Variants in LAMB1 observed in about 807,000 individuals in gnomAD.
The protein encoded by LAMB1 is laminin subunit beta-1.
Under a neutral mutation model 222.3 loss-of-function variants are expected in LAMB1, and 121 were observed. The ratio of observed to expected loss-of-function variants is 0.54; its 90% confidence interval spans 0.47 to 0.63. LAMB1 has a LOEUF of 0.63. LAMB1 is among the 30% of genes least tolerant of loss of function. LAMB1 has a pLI of 0.00. For missense variants in LAMB1, 2,172 were observed against 2,240.8 expected, an observed-to-expected ratio of 0.97 and a Z score of 0.62; for synonymous variants, 794 against 807.2, an observed-to-expected ratio of 0.98 and a Z score of 0.28.
chr7:107,996,024 A>G (rs866709340), intron 4 of LAMB1, among the ~76,000 whole-genome samples: 5 of 152,192 alleles, frequency 3.3e-5, no homozygotes, highest in African/African-American at 1.2e-4. Context: ...TTATATTCAC[A>G]CTAACTAATC....
chr7:107,989,440 T>C (rs1380635519), intron 5 of LAMB1, among the ~76,000 whole-genome samples: 3 of 152,222 alleles, frequency 2.0e-5, no homozygotes, highest in South Asian at 2.1e-4. Context: ...AGGCTTCCTT[T>C]AGCCCTCCTT....
intron 13 of LAMB1, 56 bp from the exon 14 acceptor site, chr7:107,964,743 C>T: frequency 1.9e-6 from 3 of 1,598,514 alleles, no homozygotes; most frequent in South Asian, 2.2e-5. Flanking sequence ...AGTCAACCCG[C>T]CAGAAGCAGC....
At chr7:107,981,822 G>A (rs192612615) in intron 7 of LAMB1, among the ~76,000 whole-genome samples, 72 of 152,234 alleles carry the variant, frequency 4.7e-4, no homozygotes, top group Non-Finnish European at 8.7e-4. Context: ...TTTTGGAAGG[G>A]AAAATTTGAA....
intron 13 of LAMB1, among the ~76,000 whole-genome samples, chr7:107,965,625 C>T (rs894201206): frequency 6.6e-6 from 1 of 152,084 alleles, no homozygotes; most frequent in Non-Finnish European, 1.5e-5. Context: ...GTATACAATA[C>T]AAAACTCAAA....
Position 107,964,967 on chromosome 7 carries a change from C to T in LAMB1, c.1563-280G>A, listed in dbSNP as rs7789846. Among the ~76,000 whole-genome samples, 136,085 of 152,198 alleles carry T rather than the reference C, an allele frequency of 0.89. 61,123 individuals carry two copies. Among genetic ancestry groups the T allele is most frequent in the Non-Finnish European group, 0.93 (63,423 of 68,022 alleles). Reference sequence around the variant, plus strand: ...CATGAAGGTTTTCCACATCCCAAACCTTCTTGCTTTGGCATGTTACATCTT... The same window carrying T: ...CATGAAGGTTTTCCACATCCCAAACTTTCTTGCTTTGGCATGTTACATCTT... On this transcript the variant is annotated intron_variant, in intron 13 of 33. Coordinates refer to ENST00000222399, the MANE Select transcript of LAMB1 (RefSeq NM_002291.3).
At chr7:107,949,097 T>G (rs1023231338) in intron 24 of LAMB1, among the ~76,000 whole-genome samples, 4 of 152,230 alleles carry the variant, frequency 2.6e-5, no homozygotes, top group Admixed American at 2.0e-4. Context: ...AACAAAGAAG[T>G]TGGCGAACAA....
Position 107,931,403 on chromosome 7 carries a change from T to C in LAMB1, c.4490A>G (p.Asn1497Ser), listed in dbSNP as rs756450160. 32 of 1,613,834 alleles carry C rather than the reference T, an allele frequency of 2.0e-5. No individual in the cohort carries two copies. Among genetic ancestry groups the C allele is most frequent in the Non-Finnish European group, 2.7e-5 (32 of 1,179,894 alleles). Residue 1497 changes from asparagine (N) to serine (S), a missense_variant, in exon 29 of 34, where the codon AAT (asparagine) becomes AGT (serine). Asn to Ser is a conservative substitution (Grantham distance 46). Transcript: ENST00000222399. ...CTTGATTAGATTTCTCAGCTCCTCA[T>C]TGCTCTTGTCCATTTTTTCTTTGGT... ...NATKEKMDKS[N>S]EELRNLIKQI... is the part of the protein sequence containing the mutation.
chr7:108,002,081 G>C (rs2034399174), intron 2 of LAMB1: 1 of 1,476,024 alleles, frequency 6.8e-7, no homozygotes, highest in Admixed American at 2.3e-5. Flanking sequence ...ACTTCGACGT[G>C]TCCGGAGCCC....
intron 13 of LAMB1, among the ~76,000 whole-genome samples, chr7:107,971,868 A>G (rs141444925): frequency 5.3e-5 from 8 of 152,346 alleles, no homozygotes; most frequent in African/African-American, 1.9e-4. Flanking sequence ...AGTTTATGAC[A>G]TAATTTGGGG....
At chr7:107,927,868 T>G (rs2116315105) in intron 31 of LAMB1, among the ~76,000 whole-genome samples, 1 of 152,306 alleles carries the variant, frequency 6.6e-6, no homozygotes, top group Middle Eastern at 3.4e-3. Flanking sequence ...GAACACAGGT[T>G]TTTACCAACT....
intron 5 of LAMB1, among the ~76,000 whole-genome samples, chr7:107,988,905 G>C (rs2034131346): frequency 1.3e-5 from 2 of 152,174 alleles, no homozygotes; most frequent in South Asian, 4.1e-4. Context: ...CATTTCTGTT[G>C]TTTAAGCCAC....
At chr7:108,003,080 G>T (rs940402231) in intron 1 of LAMB1, 31 bp downstream of exon 1, 7 of 1,234,902 alleles carry the variant, frequency 5.7e-6, no homozygotes, top group Admixed American at 5.8e-5. Flanking sequence ...GGAAAGTGGG[G>T]AAAATCGTGC....
chr7:107,928,299 G>A (rs375068210), intron 31 of LAMB1, among the ~76,000 whole-genome samples: 1 of 152,166 alleles, frequency 6.6e-6, no homozygotes, highest in Non-Finnish European at 1.5e-5. Flanking sequence ...GGTTTCTCTA[G>A]AATTGGGTAT....
At chr7:108,003,060 G>T in intron 1 of LAMB1, 51 bp downstream of exon 1, 2 of 1,395,836 alleles carry the variant, frequency 1.4e-6, no homozygotes. Context: ...ACGGAAGCGG[G>T]GGGTGGGCTG....
At chr7:107,931,800 A>G in intron 28 of LAMB1, 1 of 473,514 alleles carries the variant, frequency 2.1e-6, no homozygotes, top group South Asian at 2.7e-5. Context: ...CCACATAAAT[A>G]CTTAAAAAGT....
Position 107,980,716 on chromosome 7 carries a change from A to C in LAMB1, c.772T>G (p.Tyr258Asp). 3 of 1,613,486 alleles carry C rather than the reference A, an allele frequency of 1.9e-6. No homozygotes were observed. The highest frequency in any genetic ancestry group is 2.5e-6 in the Non-Finnish European group (3 of 1,179,444). Residue 258 changes from tyrosine (Y) to aspartate (D), a missense_variant, in exon 8 of 34, where the codon TAT (tyrosine) becomes GAT (aspartate). By Grantham distance (160) the Tyr-to-Asp change is radical (BLOSUM62 -3). Coordinates refer to ENST00000222399, the MANE Select transcript of LAMB1 (RefSeq NM_002291.3). ...ACCATATCATAAACTGCATAATAAT[A>C]CTTTTCTCTGATTTCCATCCTGGAA... ...LDSRMEIREK[Y>D]YYAVYDMVVR... is the part of the protein sequence containing the mutation.
chr7:107,938,125 A>C (rs1026421446), intron 25 of LAMB1, among the ~76,000 whole-genome samples: 6 of 152,154 alleles, frequency 3.9e-5, no homozygotes, highest in Non-Finnish European at 7.3e-5. Context: ...ACCTAATTGA[A>C]TGTAATTGTC....
intron 23 of LAMB1, among the ~76,000 whole-genome samples, chr7:107,951,547 T>C (rs370570281): frequency 9.2e-5 from 14 of 152,326 alleles, no homozygotes; most frequent in Admixed American, 4.6e-4. Flanking sequence ...TGGCATGTTA[T>C]TATTTATTTA....
At chr7:107,955,884 C>A (rs2033365001) in intron 20 of LAMB1, among the ~76,000 whole-genome samples, 1 of 147,968 alleles carries the variant, frequency 6.8e-6, no homozygotes, top group Admixed American at 6.8e-5. Context: ...AGGCACACAC[C>A]ACCACACCTG....
Sources: gnomAD v4.1 joint callset for allele counts (sites outside exome capture counted in the v4.1 genomes callset) on GRCh38, gnomAD v4.1.1 for gene constraint, MANE v1.5 for transcripts, NCBI Gene and HGNC (gene_info 2026-07-23, HGNC 2026-07-21) for gene names.